Variants in ANKRD55 observed in about 807,000 individuals in gnomAD.
The protein encoded by ANKRD55 is ankyrin repeat domain-containing protein 55.
Under a neutral mutation model 60.6 loss-of-function variants are expected in ANKRD55, and 41 were observed. The ratio of observed to expected loss-of-function variants is 0.68; its 90% CI spans 0.53 to 0.88. The LOEUF (loss-of-function observed/expected upper bound fraction) is 0.88. Ranked by LOEUF, ANKRD55 falls within the 40% of genes least tolerant of loss-of-function variation. The pLI, the probability that ANKRD55 is intolerant of heterozygous loss-of-function variation, is 0.00. For synonymous variants in ANKRD55, 264 were observed against 290.3 expected, an observed-to-expected ratio of 0.91 and a Z score of 0.92; for missense variants, 732 against 767.6, an observed-to-expected ratio of 0.95 and a Z score of 0.55.
Position 56,107,010 on chromosome 5 carries a change from T to TAAA in ANKRD55, c.1630+4105_1630+4107dup, listed in dbSNP as rs371808077. On this transcript the variant is annotated intron_variant, in intron 10 of 11. Transcript: ENST00000341048. ...CTGGGTGACAGATCCTATCTCTCTCTAAAAAAAAAAAAAAAAAAAAATCCC... is the reference window on the plus strand; with the variant it reads ...CTGGGTGACAGATCCTATCTCTCTCTAAAAAAAAAAAAAAAAAAAAAAAATCCC... Among the ~76,000 whole-genome samples the TAAA allele has an allele frequency of 6.5e-4, 75 of 114,532 alleles. 1 individual carries two copies. The highest frequency in any genetic ancestry group is 1.8e-3 in the East Asian group (7 of 3,888). The allele number at this position is 114,532 out of a possible 152,430, so 75.1% of individuals were successfully genotyped here. A position where few individuals can be genotyped will look rare whatever the true frequency, so the allele number is the denominator to read the frequency against.
At chr5:56,144,995 G>T (rs1580978883) in intron 6 of ANKRD55, among the ~76,000 whole-genome samples, 1 of 152,342 alleles carries the variant, frequency 6.6e-6, no homozygotes, top group East Asian at 1.9e-4. Flanking sequence ...TATCTCTGCT[G>T]ATAGCATAAA....
intron 2 of ANKRD55, among the ~76,000 whole-genome samples, chr5:56,213,554 C>T (rs989776118): frequency 1.3e-5 from 2 of 151,478 alleles, no homozygotes; most frequent in African/African-American, 2.4e-5. Flanking sequence ...TTTCCTCTAT[C>T]GAATAGTACA....
At chr5:56,183,832 G>A (rs761730970) in intron 2 of ANKRD55, among the ~76,000 whole-genome samples, 198 bp from the exon 3 acceptor site, 13 of 152,240 alleles carry the variant, frequency 8.5e-5, no homozygotes, top group African/African-American at 1.9e-4. Flanking sequence ...TTGTAACACC[G>A]CCGTGTATTG....
intron 11 of ANKRD55, among the ~76,000 whole-genome samples, chr5:56,101,756 T>C (rs1309283896): frequency 6.6e-6 from 1 of 152,022 alleles, no homozygotes; most frequent in Non-Finnish European, 1.5e-5. Context: ...AAATCAATAA[T>C]ACCAAAAGTA....
intron 2 of ANKRD55, among the ~76,000 whole-genome samples, chr5:56,195,697 G>A (rs1236658190): frequency 1.3e-5 from 2 of 152,110 alleles, no homozygotes; most frequent in African/African-American, 2.4e-5. Context: ...ACCCATCTCC[G>A]CCTCCCAAAG....
At chr5:56,193,282 A>G in intron 2 of ANKRD55, 1 of 1,082,306 alleles carries the variant, frequency 9.2e-7, no homozygotes, top group Non-Finnish European at 1.3e-6. Context: ...CACTGGGGAG[A>G]TGCATGGAAA....
intron 6 of ANKRD55, among the ~76,000 whole-genome samples, chr5:56,150,585 G>A (rs372591824): frequency 1.3e-5 from 2 of 151,828 alleles, no homozygotes; most frequent in South Asian, 2.1e-4. Context: ...GCCTCACAGA[G>A]TGAGACCCCG....
At chr5:56,130,444 C>G (rs536727027) in intron 7 of ANKRD55, among the ~76,000 whole-genome samples, 1 of 152,286 alleles carries the variant, frequency 6.6e-6, no homozygotes, top group South Asian at 2.1e-4. Flanking sequence ...TATTCACATT[C>G]CAGAGGCATA....
At chr5:56,167,765 ACT>A (rs1758517457) in intron 5 of ANKRD55, among the ~76,000 whole-genome samples, 1 of 152,118 alleles carries the variant, frequency 6.6e-6, no homozygotes, top group Non-Finnish European at 1.5e-5. Context: ...GGAAGCCACA[ACT>A]CTCTGCTCTC....
At chr5:56,193,657 CA>C (rs1368249326) in intron 2 of ANKRD55, 1 of 275,474 alleles carries the variant, frequency 3.6e-6, no homozygotes, top group African/African-American at 2.3e-5. Context: ...CATGAATGAA[CA>C]AAGGTAAAAT....
intron 2 of ANKRD55, among the ~76,000 whole-genome samples, chr5:56,204,693 T>G (rs1166123072): frequency 6.6e-6 from 1 of 152,116 alleles, no homozygotes; most frequent in Non-Finnish European, 1.5e-5. Flanking sequence ...CAGTCTTGGG[T>G]AGTTTTTTTG....
intron 2 of ANKRD55, chr5:56,193,283 T>C: frequency 9.2e-7 from 1 of 1,083,858 alleles, no homozygotes; most frequent in Non-Finnish European, 1.3e-6. Flanking sequence ...ACTGGGGAGA[T>C]GCATGGAAAT....
intron 7 of ANKRD55, among the ~76,000 whole-genome samples, chr5:56,142,052 G>C (rs1044270627): frequency 6.6e-6 from 1 of 152,180 alleles, no homozygotes; most frequent in African/African-American, 2.4e-5. Context: ...ATTCCCGGCT[G>C]GGTGCAGTGG....
intron 2 of ANKRD55, among the ~76,000 whole-genome samples, chr5:56,229,099 T>TG (rs1489268998): frequency 6.7e-6 from 1 of 149,902 alleles, no homozygotes; most frequent in African/African-American, 2.5e-5. Flanking sequence ...GCCTGTTTTT[T>TG]TTTTTTTTTT....
intron 2 of ANKRD55, among the ~76,000 whole-genome samples, chr5:56,189,120 T>C (rs1403269798): frequency 6.6e-6 from 1 of 152,020 alleles, no homozygotes; most frequent in Non-Finnish European, 1.5e-5. Context: ...AGGAGATAAA[T>C]GTGTCTACTC....
intron 5 of ANKRD55, chr5:56,161,960 G>A: frequency 2.0e-6 from 2 of 985,188 alleles, no homozygotes; most frequent in Non-Finnish European, 2.4e-6. Context: ...TGGCTGCTTT[G>A]TGAGTGGGGG....
At chr5:56,179,416 A>G (rs1758810324) in intron 3 of ANKRD55, among the ~76,000 whole-genome samples, 1 of 152,216 alleles carries the variant, frequency 6.6e-6, no homozygotes, top group Non-Finnish European at 1.5e-5. Flanking sequence ...GTTATTTTAG[A>G]GGAATGAAGG....
chr5:56,169,893 CT>C (rs1758568029), intron 5 of ANKRD55, among the ~76,000 whole-genome samples: 1 of 152,166 alleles, frequency 6.6e-6, no homozygotes, highest in Non-Finnish European at 1.5e-5. Flanking sequence ...AGTAGAAATG[CT>C]GTTAGCAACT....
chr5:56,186,365 GC>G lies in ANKRD55; in HGVS notation c.59-2732del, dbSNP rs754579995. Among the ~76,000 whole-genome samples, 103 of 152,146 alleles carry G rather than the reference GC, an allele frequency of 6.8e-4. 1 individual carries two copies. Among genetic ancestry groups the G allele is most frequent in the Non-Finnish European group, 1.4e-3 (93 of 67,982 alleles). On this transcript the variant is annotated intron_variant, in intron 2 of 11. Transcript: ENST00000341048. ...GTATTTTTTGTAGAGATGGGGTTTT[GC>G]CATGTTGCCCAGGCTGGTCTCTAAT...
Sources: allele counts gnomAD v4.1 joint callset (sites outside exome capture counted in the v4.1 genomes callset), GRCh38; gene constraint gnomAD v4.1.1; transcripts MANE v1.5; gene names NCBI Gene and HGNC (gene_info 2026-07-23, HGNC 2026-07-21).